The following ANKS6 variants were observed in gnomAD, a reference collection of about 807,000 sequenced individuals.
ANKS6 encodes ankyrin repeat and sterile alpha motif domain containing 6.
Under a neutral mutation model 77.9 loss-of-function variants are expected in ANKS6, and 47 were observed. That is an observed-to-expected ratio of 0.60 (90% CI 0.48 to 0.77). ANKS6 has a LOEUF of 0.77. Ranked by LOEUF, ANKS6 falls within the 30% of genes least tolerant of loss-of-function variation. The pLI, the probability that ANKS6 is intolerant of heterozygous loss-of-function variation, is 0.00. For missense variants in ANKS6, 1,150 were observed against 1,159.1 expected, an observed-to-expected ratio of 0.99 and a Z score of 0.11; for synonymous variants, 488 against 501.7, an observed-to-expected ratio of 0.97 and a Z score of 0.37.
Position 98,732,683 on chromosome 9 carries a change from T to C in ANKS6, c.*3836A>G, listed in dbSNP as rs924867756. 1.8e-5 allele frequency: 27 copies of C among 1,486,406 alleles called. No individual in the cohort carries two copies. The Admixed American group carries it at 6.2e-4, about 34-fold the overall frequency. The allele number at this position is 1,486,406 out of a possible 1,614,324, so 92.1% of individuals were successfully genotyped here. On this transcript the variant is annotated 3_prime_UTR_variant, in exon 15 of 15. Transcript: ENST00000353234. ...TGAAAAGGGCTTTCTCACTTTCACA[T>C]GATCCCTGGGGGCTACTATCCCCCT... is the stretch of plus-strand genomic sequence containing the variant.
At chr9:98,758,116 T>A (rs950023578) in intron 11 of ANKS6, among the ~76,000 whole-genome samples, 3 of 152,116 alleles carry the variant, frequency 2.0e-5, no homozygotes, top group Non-Finnish European at 4.4e-5. Context: ...ACATTTATTA[T>A]CTGTAATACT....
intron 12 of ANKS6, among the ~76,000 whole-genome samples, chr9:98,754,887 C>G (rs1437759034): frequency 6.6e-6 from 1 of 152,046 alleles, no homozygotes; most frequent in Non-Finnish European, 1.5e-5. Flanking sequence ...TACAAACAGT[C>G]CATACAGACA....
intron 2 of ANKS6, among the ~76,000 whole-genome samples, chr9:98,787,582 G>C (rs553592037): frequency 1.3e-5 from 2 of 152,216 alleles, no homozygotes; most frequent in Admixed American, 6.5e-5. Context: ...GTAAAGTATC[G>C]GAATGAATGT....
intron 8 of ANKS6, 121 bp from the exon 9 acceptor site, chr9:98,774,201 C>G (rs1439348639): frequency 2.2e-6 from 2 of 890,710 alleles, no homozygotes; most frequent in Non-Finnish European, 3.1e-6. Context: ...TCCACCCAAG[C>G]CGGGAGCTAT....
At chr9:98,794,294 A>C (rs1400759733) in intron 1 of ANKS6, among the ~76,000 whole-genome samples, 2 of 152,172 alleles carry the variant, frequency 1.3e-5, no homozygotes, top group Admixed American at 6.5e-5. Context: ...ATGCTTGCTC[A>C]GACCCAGCGT....
At chr9:98,779,862 C>G (rs1057317620) in intron 6 of ANKS6, among the ~76,000 whole-genome samples, 2 of 152,096 alleles carry the variant, frequency 1.3e-5, no homozygotes, top group African/African-American at 4.8e-5. Context: ...CGGGGTTTCA[C>G]CGTGTTAGCC....
At chr9:98,755,921 C>A (rs1158512033) in intron 12 of ANKS6, among the ~76,000 whole-genome samples, 1 of 152,166 alleles carries the variant, frequency 6.6e-6, no homozygotes, top group Non-Finnish European at 1.5e-5. Context: ...CAAAAGTATG[C>A]CTGAAGCTGC....
At chr9:98,765,125 T>C (rs1256494506) in intron 11 of ANKS6, among the ~76,000 whole-genome samples, 1 of 152,168 alleles carries the variant, frequency 6.6e-6, no homozygotes, top group Non-Finnish European at 1.5e-5. Flanking sequence ...TTCTCTCTTT[T>C]CTCTGCTCTT....
chr9:98,758,091 G>A (rs1488339097), intron 11 of ANKS6, among the ~76,000 whole-genome samples: 1 of 152,048 alleles, frequency 6.6e-6, no homozygotes, highest in Admixed American at 6.6e-5. Context: ...ATTTTCTATT[G>A]CCCTCCTTCC....
At position 98,796,550 on chromosome 9, in the gene ANKS6, C is replaced by T; in HGVS notation, c.-59G>A. ...CCCGCCGGCCGCGTCGGCTCCGCCC[C>T]CGGATACCGCCCGCAGGCGCCCCCT... is the stretch of plus-strand genomic sequence containing the variant. On this transcript the variant is annotated 5_prime_UTR_variant, in exon 1 of 15. Coordinates refer to ENST00000353234, the MANE Select transcript of ANKS6 (RefSeq NM_173551.5). The T allele has an allele frequency of 1.1e-6, 1 of 949,284 alleles. No homozygotes were observed. The highest frequency in any genetic ancestry group is 1.3e-6 in the Non-Finnish European group (1 of 797,780). 58.8% of individuals were successfully genotyped at this position (949,284 alleles called of 1,614,324 possible). A position where few individuals can be genotyped will look rare whatever the true frequency, so the allele number is the denominator to read the frequency against.
Position 98,796,335 on chromosome 9 carries a change from C to A in ANKS6, c.157G>T (p.Glu53Ter). ...GCTGCGGCCCCGGGCCCGGCCACCT[C>A]GGCCCCCGCCGGCTCCGCGCCCGCC... The part of the protein sequence containing the change: ...PEAGAEPAGA[E>*]VAGPGAAAAG... Residue 53 changes from glutamate (E) to a stop codon, truncating the protein, a stop_gained, in exon 1 of 15, where the codon GAG becomes TAG. Coordinates refer to ENST00000353234, the MANE Select transcript of ANKS6 (RefSeq NM_173551.5). LOFTEE classifies it high-confidence loss of function. 5 of 1,186,954 alleles carry A rather than the reference C, an allele frequency of 4.2e-6. No homozygotes were observed. The highest frequency in any genetic ancestry group is 4.2e-6 in the Non-Finnish European group (4 of 960,436). The allele number at this position is 1,186,954 out of a possible 1,614,324, so 73.5% of individuals were successfully genotyped here. A position where few individuals can be genotyped will look rare whatever the true frequency, so the allele number is the denominator to read the frequency against.
intron 10 of ANKS6, among the ~76,000 whole-genome samples, chr9:98,768,578 T>C (rs1227459402): frequency 6.6e-6 from 1 of 152,196 alleles, no homozygotes; most frequent in East Asian, 1.9e-4. Context: ...CTGCACTCGA[T>C]GCCCACAGAA....
intron 8 of ANKS6, among the ~76,000 whole-genome samples, chr9:98,774,358 T>C (rs1254113419): frequency 6.6e-6 from 1 of 152,280 alleles, no homozygotes; most frequent in South Asian, 2.1e-4. Flanking sequence ...CAGATGATGT[T>C]GGTGTGCTGT....
At chr9:98,765,118 T>G (rs964336330) in intron 11 of ANKS6, among the ~76,000 whole-genome samples, 1 of 152,196 alleles carries the variant, frequency 6.6e-6, no homozygotes, top group Non-Finnish European at 1.5e-5. Context: ...TAATAAATTC[T>G]CTCTTTTCTC....
rs752634648 is a variant in ANKS6, at chr9:98,782,534, G to A, written c.1152C>T (p.Ala384=). 27 of 1,613,956 alleles carry A rather than the reference G, an allele frequency of 1.7e-5. No individual in the cohort carries two copies. Among genetic ancestry groups the A allele is most frequent in the African/African-American group, 9.3e-5 (7 of 74,918 alleles). ...EIVKYLLNQG[A]DVTLRAKNGY... Reference sequence around the variant, plus strand: ...CATTTTTTGCACGAAGAGTGACATCGGCCCCTTGGTTTAGCAGATATTTCA... The same window carrying A: ...CATTTTTTGCACGAAGAGTGACATCAGCCCCTTGGTTTAGCAGATATTTCA... The change falls in exon 5 of 15, where the codon GCC becomes GCT. Residue 384 remains alanine (A), a synonymous_variant. Transcript: ENST00000353234.
chr9:98,784,707 A>C, intron 3 of ANKS6, 125 bp downstream of exon 3: 1 of 915,214 alleles, frequency 1.1e-6, no homozygotes, highest in Non-Finnish European at 1.7e-6. Flanking sequence ...CCAAACACCA[A>C]ACACCAAAAT....
chr9:98,772,898 G>T (rs1833715901), intron 9 of ANKS6, among the ~76,000 whole-genome samples: 1 of 152,182 alleles, frequency 6.6e-6, no homozygotes, highest in Non-Finnish European at 1.5e-5. Flanking sequence ...TTCTGTGCCT[G>T]TGTCTTTGCC....
chr9:98,782,685 C>T (rs375117369), intron 4 of ANKS6, 112 bp from the exon 5 acceptor site: 1 of 786,926 alleles, frequency 1.3e-6, no homozygotes, highest in Non-Finnish European at 2.1e-6. Context: ...TTAAGAAGGA[C>T]ATGGAAGGGC....
In ANKS6 at chr9:98,734,582, T is replaced by C. The variant is rs1172874542; in HGVS notation, c.*1937A>G. 4.1e-6 allele frequency: 4 copies of C among 985,254 alleles called. No homozygotes were observed. Among genetic ancestry groups the C allele is most frequent in the Non-Finnish European group, 4.8e-6 (4 of 829,910 alleles). The allele number at this position is 985,254 out of a possible 1,614,324, so 61.0% of individuals were successfully genotyped here. ...AGCTCCAGGAGTCTATAGGAGTTAG[T>C]GGAAAAGGCACAGGCTTGCAAGCCC... On this transcript the variant is annotated 3_prime_UTR_variant, in exon 15 of 15. Coordinates refer to ENST00000353234, the MANE Select transcript of ANKS6 (RefSeq NM_173551.5).
Sources: gnomAD v4.1 joint callset for allele counts (sites outside exome capture counted in the v4.1 genomes callset) on GRCh38, gnomAD v4.1.1 for gene constraint, MANE v1.5 for transcripts, NCBI Gene and HGNC (gene_info 2026-07-23, HGNC 2026-07-21) for gene names.